Variants in UBXN2A observed in about 807,000 individuals in gnomAD.
The protein encoded by UBXN2A is UBX domain protein 2A.
In UBXN2A, 28 loss-of-function variants were observed where a neutral mutation model predicts 28.4. That is an observed-to-expected ratio of 0.99 (90% CI 0.73 to 1.35). The LOEUF (loss-of-function observed/expected upper bound fraction) is 1.35. UBXN2A is among the 40% of genes most tolerant of loss of function. The pLI, the probability that UBXN2A is intolerant of heterozygous loss-of-function variation, is 0.00. For missense variants in UBXN2A, 253 were observed against 297.9 expected, an observed-to-expected ratio of 0.85 and a Z score of 1.11; for synonymous variants, 97 against 103.6, an observed-to-expected ratio of 0.94 and a Z score of 0.39.
intron 1 of UBXN2A, among the ~76,000 whole-genome samples, chr2:23,950,308 A>G (rs1162225055): frequency 6.6e-6 from 1 of 152,192 alleles, no homozygotes; most frequent in Non-Finnish European, 1.5e-5. Flanking sequence ...GATGATTACA[A>G]TGTGAACAAA....
upstream of UBXN2A, among the ~76,000 whole-genome samples, chr2:23,935,979 G>A (rs962349945): frequency 1.3e-5 from 2 of 152,170 alleles, no homozygotes; most frequent in African/African-American, 4.8e-5. Flanking sequence ...TTGAACCTGG[G>A]AGGGGGAGGT....
chr2:23,944,694 A>G (rs944202258), intron 1 of UBXN2A, among the ~76,000 whole-genome samples: 1 of 152,186 alleles, frequency 6.6e-6, no homozygotes, highest in African/African-American at 2.4e-5. Context: ...TATTGGAAAC[A>G]ATGCCAGCTC....
intron 1 of UBXN2A, among the ~76,000 whole-genome samples, chr2:23,952,821 C>T (rs550152643): frequency 2.6e-5 from 4 of 152,178 alleles, no homozygotes; most frequent in Admixed American, 2.6e-4. Flanking sequence ...TCAAACAGTC[C>T]TCCCACTTTG....
intron 4 of UBXN2A, among the ~76,000 whole-genome samples, chr2:23,978,962 CA>C (rs113906713): frequency 0.071 from 9,959 of 139,904 alleles, 397 homozygotes; most frequent in African/African-American, 0.13. Context: ...GATTCCATCT[CA>C]AAAAAAAAAA....
At chr2:23,996,730 C>G (rs2150922159) in intron 6 of UBXN2A, 1 of 151,136 alleles carries the variant, frequency 6.6e-6, no homozygotes, top group Admixed American at 6.6e-5. Flanking sequence ...CCGCCTCAGC[C>G]TCCCAAAGTG....
At chr2:23,959,481 G>A (rs1277601137) in intron 2 of UBXN2A, among the ~76,000 whole-genome samples, 3 of 152,080 alleles carry the variant, frequency 2.0e-5, no homozygotes, top group Non-Finnish European at 4.4e-5. Flanking sequence ...GACAGAGCAA[G>A]ACTCCTCCGT....
At chr2:23,928,306 G>A (rs747205499) in intron 1 of UBXN2A, among the ~76,000 whole-genome samples, 1 of 151,766 alleles carries the variant, frequency 6.6e-6, no homozygotes, top group Non-Finnish European at 1.5e-5. Flanking sequence ...AGTACAGGCC[G>A]GGCTTACGCC....
intron 4 of UBXN2A, among the ~76,000 whole-genome samples, chr2:23,981,493 AAAAAAAAAAAAAAAT>A (rs1487315378): frequency 4.5e-4 from 68 of 149,988 alleles, no homozygotes; most frequent in Admixed American, 1.3e-3. Flanking sequence ...AAAAAAAAAA[AAAAAAAAAAAAAAAT>A]AGAAAAGTGC....
At chr2:23,976,869 C>A in intron 3 of UBXN2A, 100 bp from the exon 4 acceptor site, 1 of 943,412 alleles carries the variant, frequency 1.1e-6, no homozygotes, top group Non-Finnish European at 1.6e-6. Context: ...GAGTGAACCA[C>A]CCCACCCGGC....
At chr2:23,977,354 G>A (rs1265120048) in intron 4 of UBXN2A, 2 of 172,194 alleles carry the variant, frequency 1.2e-5, no homozygotes, top group Non-Finnish European at 2.4e-5. Flanking sequence ...GGGTCGGGGG[G>A]GTGGGGGTGG....
Position 23,932,702 on chromosome 2 carries a change from T to C in UBXN2A, c.-138+5087T>C, listed in dbSNP as rs574615122. Among the ~76,000 whole-genome samples, 96 of 152,302 alleles carry C rather than the reference T, an allele frequency of 6.3e-4. 1 individual carries two copies. The highest frequency in any genetic ancestry group is 2.3e-3 in the African/African-American group (95 of 41,568). ...CTTGAGTCAAAAGTGATCCTAAGCA[T>C]AAAGCTGAAGCAAACATAAATCATC... On this transcript the variant is annotated intron_variant, in intron 1 of 7. Transcript: ENST00000404924.
intron 3 of UBXN2A, among the ~76,000 whole-genome samples, chr2:23,974,220 T>C (rs1160842859): frequency 6.7e-6 from 1 of 150,240 alleles, no homozygotes; most frequent in Non-Finnish European, 1.5e-5. Flanking sequence ...AGTTTCACCC[T>C]GTTAGTCAGG....
At chr2:23,981,476 T>TAAAAAAAAA (rs55665209) in intron 4 of UBXN2A, among the ~76,000 whole-genome samples, 74 of 28,942 alleles carry the variant, frequency 2.6e-3, no homozygotes, top group Non-Finnish European at 3.5e-3. Context: ...AGCTCCTATC[T>TAAAAAAAAA]AAAAAAAAAA....
intron 2 of UBXN2A, 89 bp downstream of exon 2, chr2:23,958,444 A>G (rs900513333): frequency 7.0e-6 from 9 of 1,293,202 alleles, no homozygotes; most frequent in Non-Finnish European, 4.2e-6. Context: ...GAGATAGTAG[A>G]GTACGTTTTA....
Position 23,985,088 on chromosome 2 carries a change from T to C in UBXN2A, c.584+257T>C, listed in dbSNP as rs191004959. Among the ~76,000 whole-genome samples the C allele has an allele frequency of 2.2e-4, 34 of 151,958 alleles. 1 individual carries two copies. In the East Asian group the frequency reaches 6.4e-3, roughly 29 times the overall value. ...GCTAACTTTTTTTTTTTAATTTTTA[T>C]TTATTGCCAGCTAATTTTAAAAATT... On this transcript the variant is annotated intron_variant, in intron 6 of 6. Coordinates refer to ENST00000309033, the MANE Select transcript of UBXN2A (RefSeq NM_181713.4).
intron 2 of UBXN2A, 83 bp downstream of exon 2, chr2:23,958,438 T>TTAA (rs1334103440): frequency 4.4e-6 from 6 of 1,354,552 alleles, no homozygotes; most frequent in Non-Finnish European, 6.0e-6. Context: ...CTTGCAGAGA[T>TTAA]AGTAGAGTAC....
At chr2:23,943,148 G>C (rs1705856717) in intron 1 of UBXN2A, among the ~76,000 whole-genome samples, 1 of 151,892 alleles carries the variant, frequency 6.6e-6, no homozygotes, top group African/African-American at 2.4e-5. Flanking sequence ...GTAGAGACGG[G>C]GTTTCACTGT....
chr2:23,946,716 A>G (rs1301385368), intron 1 of UBXN2A, among the ~76,000 whole-genome samples: 1 of 152,108 alleles, frequency 6.6e-6, no homozygotes, highest in Non-Finnish European at 1.5e-5. Context: ...TCAGCCTCCC[A>G]AAGTGCTGGG....
chr2:23,941,009 C>T (rs1288404563), intron 1 of UBXN2A, among the ~76,000 whole-genome samples: 1 of 152,168 alleles, frequency 6.6e-6, no homozygotes, highest in Non-Finnish European at 1.5e-5. Context: ...TGCACGATCG[C>T]AGTCCAGTGA....
Sources: gnomAD v4.1 joint callset for allele counts (sites outside exome capture counted in the v4.1 genomes callset) on GRCh38, gnomAD v4.1.1 for gene constraint, MANE v1.5 for transcripts, NCBI Gene and HGNC (gene_info 2026-07-23, HGNC 2026-07-21) for gene names.